RNF135: variants seen among roughly 807,000 people sequenced by gnomAD.
The protein encoded by RNF135 is E3 ubiquitin-protein ligase RNF135.
Under a neutral mutation model 41.9 loss-of-function variants are expected in RNF135, and 46 were observed. That is an observed-to-expected ratio of 1.10 (90% CI 0.87 to 1.40). The LOEUF (loss-of-function observed/expected upper bound fraction) is 1.40, where lower values mean the gene tolerates loss of function less well. Among genes scored for constraint, RNF135 ranks in the 40% most tolerant of loss-of-function variants. The probability of loss-of-function intolerance (pLI) is 0.00; values close to 1 mark genes in which losing one functional copy is unlikely to be tolerated. For synonymous variants in RNF135, 238 were observed against 223.8 expected (o/e 1.06, Z -0.57); for missense variants, 539 against 549.8 (o/e 0.98, Z 0.20).
upstream of RNF135, among the ~76,000 whole-genome samples, chr17:30,970,019 C>G (rs1182084055): frequency 1.3e-5 from 2 of 151,932 alleles, no homozygotes; most frequent in Non-Finnish European, 2.9e-5. Flanking sequence ...TCAAGTGATC[C>G]AAAGGTCGGC....
upstream of RNF135, among the ~76,000 whole-genome samples, chr17:30,968,552 A>AT (rs932564596): frequency 1.5e-4 from 22 of 150,590 alleles, no homozygotes; most frequent in South Asian, 6.3e-4. Flanking sequence ...CGCCCGGCTA[A>AT]TTTTTTTTGT....
intron 1 of RNF135, 172 bp downstream of exon 1, chr17:30,971,617 T>G: frequency 7.4e-7 from 1 of 1,352,958 alleles, no homozygotes; most frequent in Non-Finnish European, 9.4e-7. Context: ...CATAAAAGTA[T>G]GAAGAAGTAG....
In RNF135 at chr17:30,995,387, C is replaced by CA. The variant is rs796205868; in HGVS notation, c.680-1842dup. ...TGGGCGACAGAGCGAGACTCAGTCT[C>CA]AAAAAAAAAAAAAGAATTGTTTTGT... On this transcript the variant is annotated intron_variant, in intron 3 of 4. Coordinates refer to ENST00000328381, the MANE Select transcript of RNF135 (RefSeq NM_032322.4). 7.5e-3 allele frequency among the ~76,000 whole-genome samples: 975 copies of CA among 130,792 alleles called. 11 individuals are homozygous for CA. The highest frequency in any genetic ancestry group is 0.023 in the African/African-American group (807 of 35,484). 85.8% of individuals were successfully genotyped at this position (130,792 alleles called of 152,430 possible).
chr17:30,997,818 T>A (rs1285917434), intron 4 of RNF135, among the ~76,000 whole-genome samples: 1 of 152,150 alleles, frequency 6.6e-6, no homozygotes, highest in East Asian at 1.9e-4. Context: ...ATCTGTAAAA[T>A]GGAGATAATA....
the RNF135 span, chr17:30,959,066 A>G: frequency 6.6e-6 from 1 of 152,246 alleles, no homozygotes; most frequent in Admixed American, 6.5e-5. Flanking sequence ...TTTCAAGGAC[A>G]CTTGCTGGGT....
intron 1 of RNF135, among the ~76,000 whole-genome samples, chr17:30,984,305 C>A (rs1907430128): frequency 6.6e-6 from 1 of 152,072 alleles, no homozygotes; most frequent in African/African-American, 2.4e-5. Context: ...GGTCTTTGAT[C>A]CATTTTGAGT....
chr17:30,983,317 G>A (rs28817405), intron 1 of RNF135, among the ~76,000 whole-genome samples: 1,053 of 24,726 alleles, frequency 0.043, 20 homozygotes, highest in African/African-American at 0.091. Context: ...TTACATATAT[G>A]TACATATATA....
intron 1 of RNF135, chr17:30,972,414 A>G (rs772716804): frequency 6.6e-5 from 10 of 151,772 alleles, no homozygotes; most frequent in Non-Finnish European, 1.3e-4. Flanking sequence ...CGCCCCGCCT[A>G]TTTTAACCAT....
chr17:30,984,056 A>T (rs1907415013), intron 1 of RNF135, among the ~76,000 whole-genome samples: 1 of 152,164 alleles, frequency 6.6e-6, no homozygotes, highest in Admixed American at 6.6e-5. Flanking sequence ...TTAATGCCTT[A>T]TCAGATGTAT....
upstream of RNF135, chr17:30,971,035 G>A (rs1405645238): frequency 2.6e-6 from 4 of 1,533,144 alleles, no homozygotes; most frequent in South Asian, 1.2e-5. Context: ...GACTCGCCCG[G>A]CTCAACCCCG....
chr17:30,962,495 T>C, the RNF135 span, among the ~76,000 whole-genome samples: 1 of 151,276 alleles, frequency 6.6e-6, no homozygotes, highest in East Asian at 2.0e-4. Flanking sequence ...AGATGGAGTC[T>C]CGCTCTGTTG....
In RNF135 at chr17:30,998,882, T is replaced by C; in HGVS notation, c.990T>C (p.Ala330=). 6.2e-7 allele frequency: 1 copy of C among 1,612,020 alleles called. No individual in the cohort carries two copies. Among genetic ancestry groups the C allele is most frequent in the Non-Finnish European group, 8.5e-7 (1 of 1,178,644 alleles). ...GCAGCCACTGGGCAGTTGGGGTGGC[T>C]TCCTGGGAGATGAGCCGCGACCAGG... The part of the protein sequence containing the change: ...RNCSHWAVGV[A]SWEMSRDQVL... The change falls in exon 5 of 5, where the codon GCT becomes GCC. Residue 330 remains alanine (A), a synonymous_variant. Transcript: ENST00000328381.
chr17:30,977,041 AT>A (rs1300852994), intron 1 of RNF135, among the ~76,000 whole-genome samples: 1 of 151,950 alleles, frequency 6.6e-6, no homozygotes, highest in Non-Finnish European at 1.5e-5. Flanking sequence ...CTTCCTTTAA[AT>A]GAAGATGATT....
intron 1 of RNF135, among the ~76,000 whole-genome samples, chr17:30,974,934 T>C (rs887636378): frequency 1.3e-5 from 2 of 152,014 alleles, no homozygotes; most frequent in African/African-American, 4.8e-5. Context: ...TGCCTCGGCC[T>C]CCCAAAGTGC....
intron 1 of RNF135, among the ~76,000 whole-genome samples, chr17:30,978,423 T>C (rs1203904661): frequency 9.2e-5 from 14 of 152,084 alleles, no homozygotes; most frequent in Non-Finnish European, 2.1e-4. Context: ...TCATTCTCTT[T>C]TTTCTTTTGT....
At chr17:30,983,353 A>ATATATATATTTTTTTTTT (rs1420453160) in intron 1 of RNF135, among the ~76,000 whole-genome samples, 3 of 35,744 alleles carry the variant, frequency 8.4e-5, no homozygotes, top group Non-Finnish European at 1.6e-4. Context: ...ATATATATAT[A>ATATATATATTTTTTTTTT]TTTTTTTTTT....
At chr17:30,980,574 T>C (rs1276960799) in intron 1 of RNF135, among the ~76,000 whole-genome samples, 2 of 129,758 alleles carry the variant, frequency 1.5e-5, no homozygotes, top group African/African-American at 5.9e-5. Context: ...GACGGGGTGG[T>C]TGCCGGACGG....
chr17:30,971,150 G>C lies in RNF135; in HGVS notation c.77G>C (p.Gly26Ala), dbSNP rs1487820448. The change falls in exon 1 of 5, where the codon GGG (glycine) becomes GCG (alanine). Residue 26 changes from glycine (G) to alanine (A), a missense_variant. By Grantham distance (60) the Gly-to-Ala change is moderately conservative (BLOSUM62 0). Transcript: ENST00000328381. Reference protein sequence around the residue: ...EDDLGCIICQGLLDWPATLPC... With the variant: ...EDDLGCIICQALLDWPATLPC... Reference sequence around the variant, plus strand: ...GACCTCGGCTGCATCATCTGCCAGGGGCTGCTGGACTGGCCCGCCACGCTG... The same window carrying C: ...GACCTCGGCTGCATCATCTGCCAGGCGCTGCTGGACTGGCCCGCCACGCTG... 1.3e-6 allele frequency: 2 copies of C among 1,533,956 alleles called. No homozygotes were observed. The highest frequency in any genetic ancestry group is 1.7e-6 in the Non-Finnish European group (2 of 1,145,938).
chr17:30,990,200 G>A (rs982312252), intron 3 of RNF135, among the ~76,000 whole-genome samples: 21 of 151,622 alleles, frequency 1.4e-4, no homozygotes, highest in Non-Finnish European at 1.0e-4. Flanking sequence ...TTAAATTTTG[G>A]GGGGTTAAAT....
Sources: allele counts gnomAD v4.1 joint callset (sites outside exome capture counted in the v4.1 genomes callset), GRCh38; gene constraint gnomAD v4.1.1; transcripts MANE v1.5; gene names NCBI Gene and HGNC (gene_info 2026-07-23, HGNC 2026-07-21).